TP53BP1: variants seen among roughly 807,000 people sequenced by gnomAD.
The protein encoded by TP53BP1 is tumor protein p53 binding protein 1, also known as TP53-binding protein 1.
A neutral mutation model predicts 200.8 loss-of-function variants in TP53BP1; 61 were observed. That is an observed-to-expected ratio of 0.30 (90% confidence interval 0.25 to 0.38). The LOEUF is 0.38. Ranked by LOEUF, TP53BP1 falls within the 10% of genes least tolerant of loss-of-function variation. TP53BP1 has a pLI of 1.00. For synonymous variants in TP53BP1, 822 were observed against 844.3 expected (o/e 0.97, Z 0.46); for missense variants, 2,144 against 2,371.9 (o/e 0.90, Z 2.00).
chr15:43,477,454 T>A, intron 8 of TP53BP1, 139 bp downstream of exon 8: 1 of 736,342 alleles, frequency 1.4e-6, no homozygotes, highest in Non-Finnish European at 2.1e-6. Context: ...CACTAATTAC[T>A]AGAAACACGT....
At chr15:43,500,765 G>A (rs998027503) in intron 1 of TP53BP1, among the ~76,000 whole-genome samples, 17 of 152,168 alleles carry the variant, frequency 1.1e-4, no homozygotes, top group Non-Finnish European at 2.2e-4. Flanking sequence ...AGGTTGCACT[G>A]AGCCGAAATC....
chr15:43,452,553 A>T (rs1245540520), intron 12 of TP53BP1, among the ~76,000 whole-genome samples: 1 of 152,074 alleles, frequency 6.6e-6, no homozygotes, highest in South Asian at 2.1e-4. Context: ...ACAGAGTGAG[A>T]CCCTGGCTCA....
intron 7 of TP53BP1, among the ~76,000 whole-genome samples, chr15:43,478,646 G>C (rs2078917408): frequency 6.6e-6 from 1 of 152,146 alleles, no homozygotes; most frequent in Non-Finnish European, 1.5e-5. Flanking sequence ...TTCCTACCAA[G>C]TTAAGAGCCT....
intron 1 of TP53BP1, among the ~76,000 whole-genome samples, chr15:43,499,019 CAA>C (rs540418662): frequency 7.1e-6 from 1 of 141,350 alleles, no homozygotes. Context: ...ACAACAACAA[CAA>C]AAAAAAAAAA....
intron 1 of TP53BP1, among the ~76,000 whole-genome samples, chr15:43,499,741 C>T (rs913920669): frequency 2.0e-5 from 3 of 152,218 alleles, no homozygotes; most frequent in African/African-American, 7.2e-5. Flanking sequence ...TTCACAAACT[C>T]AGGTTCATTT....
rs1188624954 is a variant in TP53BP1, at chr15:43,406,096, A to T, written c.*1287T>A. 1 of 152,100 alleles carries T rather than the reference A, an allele frequency of 6.6e-6. No homozygotes were observed. Among genetic ancestry groups the T allele is most frequent in the Non-Finnish European group, 1.5e-5 (1 of 68,054 alleles). The allele number at this position is 152,100 out of a possible 1,614,324, so 9.4% of individuals were successfully genotyped here. A position where few individuals can be genotyped will look rare whatever the true frequency, so the allele number is the denominator to read the frequency against. On this transcript the variant is annotated 3_prime_UTR_variant, in exon 28 of 28. Transcript: ENST00000382044. ...ATTCTCCAAGAAAAAGGTCCTTAAG[A>T]AAAAATTGAGATCAAGTTGTTAGAT...
intron 25 of TP53BP1, 31 bp from the exon 26 acceptor site, chr15:43,409,127 TG>T: frequency 6.2e-7 from 1 of 1,607,014 alleles, no homozygotes. Flanking sequence ...CCAATGGGTT[TG>T]GTGACTTCTG....
chr15:43,467,946 G>A (rs142455088), intron 11 of TP53BP1, among the ~76,000 whole-genome samples: 1 of 152,190 alleles, frequency 6.6e-6, no homozygotes, highest in African/African-American at 2.4e-5. Flanking sequence ...AGCATGCCTG[G>A]CTAATTTTTG....
At chr15:43,408,136 CA>C (rs761396548) in intron 26 of TP53BP1, 48 bp from the exon 27 acceptor site, 166 of 1,584,334 alleles carry the variant, frequency 1.0e-4, no homozygotes, top group Non-Finnish European at 1.4e-4. Flanking sequence ...TAATATCCAA[CA>C]AACTGCCTTT....
chr15:43,459,950 G>A (rs1293814851), intron 11 of TP53BP1, among the ~76,000 whole-genome samples: 1 of 152,172 alleles, frequency 6.6e-6, no homozygotes, highest in Non-Finnish European at 1.5e-5. Flanking sequence ...CGGGAGAAGG[G>A]AGTATACTGG....
chr15:43,470,184 A>C, intron 10 of TP53BP1, 118 bp from the exon 11 acceptor site: 1 of 837,484 alleles, frequency 1.2e-6, no homozygotes, highest in Admixed American at 2.6e-5. Flanking sequence ...ATAGTGACGT[A>C]ATTTTTCAGA....
intron 4 of TP53BP1, among the ~76,000 whole-genome samples, chr15:43,482,860 G>A (rs1566963032): frequency 6.6e-6 from 1 of 152,138 alleles, no homozygotes; most frequent in Non-Finnish European, 1.5e-5. Flanking sequence ...AACCCAGGAG[G>A]TGGAGGTTGC....
intron 25 of TP53BP1, 50 bp downstream of exon 25, chr15:43,409,597 T>C (rs1318342146): frequency 1.9e-6 from 2 of 1,030,272 alleles, no homozygotes; most frequent in Non-Finnish European, 2.8e-6. Context: ...ACACAGCAAG[T>C]TGGCTCTTAT....
intron 11 of TP53BP1, among the ~76,000 whole-genome samples, chr15:43,460,324 A>G (rs573728327): frequency 7.2e-5 from 11 of 152,226 alleles, no homozygotes; most frequent in African/African-American, 2.6e-4. Flanking sequence ...GCAGTGGCTT[A>G]ATCACGGCTC....
intron 11 of TP53BP1, 76 bp from the exon 12 acceptor site, chr15:43,457,294 TATAAAATTTCTAAA>T: frequency 7.8e-7 from 1 of 1,280,270 alleles, no homozygotes; most frequent in South Asian, 1.8e-5. Flanking sequence ...CTTGGATTCA[TATAAAATTTCTAAA>T]ATCAAATTTC....
intron 1 of TP53BP1, among the ~76,000 whole-genome samples, chr15:43,492,709 G>A (rs2079143928): frequency 6.6e-6 from 1 of 151,242 alleles, no homozygotes; most frequent in Non-Finnish European, 1.5e-5. Context: ...TCACCTTCTC[G>A]TAGACACCCT....
At chr15:43,452,833 T>C (rs1175655513) in intron 12 of TP53BP1, among the ~76,000 whole-genome samples, 1 of 152,126 alleles carries the variant, frequency 6.6e-6, no homozygotes, top group African/African-American at 2.4e-5. Context: ...TAAACAAGAA[T>C]TCATGAAGAA....
At chr15:43,429,743 A>G (rs887320245) in intron 17 of TP53BP1, among the ~76,000 whole-genome samples, 1 of 152,200 alleles carries the variant, frequency 6.6e-6, no homozygotes, top group African/African-American at 2.4e-5. Flanking sequence ...ATACTTCTAC[A>G]TACTTCTACA....
At position 43,404,550 on chromosome 15, in the gene TP53BP1, C is replaced by A. The variant is rs1011148473; in HGVS notation, c.*2833G>T. ...ATACCCAGGCTGGTGGAACTCTGGG[C>A]AGGTAGGAGCAACCCTTGGGTAACT... is the stretch of plus-strand genomic sequence containing the variant. On this transcript the variant is annotated 3_prime_UTR_variant, in exon 28 of 28. Coordinates refer to ENST00000382044, the MANE Select transcript of TP53BP1 (RefSeq NM_001141980.3). 3 of 1,614,006 alleles carry A rather than the reference C, an allele frequency of 1.9e-6. No individual in the cohort carries two copies.
Sources: gnomAD v4.1 joint callset for allele counts (sites outside exome capture counted in the v4.1 genomes callset) on GRCh38, gnomAD v4.1.1 for gene constraint, MANE v1.5 for transcripts, NCBI Gene and HGNC (gene_info 2026-07-23, HGNC 2026-07-21) for gene names.